ELMO1: variants seen among roughly 807,000 people sequenced by gnomAD.
The protein encoded by ELMO1 is engulfment and cell motility protein 1.
A neutral mutation model predicts 98.9 loss-of-function variants in ELMO1; 26 were observed. The observed-to-expected ratio is 0.26, with a 90% confidence interval of 0.19 to 0.36. The LOEUF (loss-of-function observed/expected upper bound fraction) is 0.36. ELMO1 is among the 10% of genes least tolerant of loss of function. The probability of loss-of-function intolerance (pLI) is 1.00; values close to 1 mark genes in which losing one functional copy is unlikely to be tolerated. For synonymous variants in ELMO1, 346 were observed against 346.0 expected (o/e 1.00, Z 0.00); for missense variants, 627 against 935.2 (o/e 0.67, Z 4.30).
chr7:37,184,674 G>A (rs1791090615), intron 13 of ELMO1, among the ~76,000 whole-genome samples: 1 of 152,156 alleles, frequency 6.6e-6, no homozygotes, highest in Admixed American at 6.5e-5. Flanking sequence ...TTGGAAGGCA[G>A]AGGTGGGCAG....
intron 2 of ELMO1, among the ~76,000 whole-genome samples, chr7:37,337,997 C>T (rs1169361818): frequency 1.3e-5 from 2 of 152,098 alleles, no homozygotes; most frequent in African/African-American, 2.4e-5. Context: ...TTTTCTCCTT[C>T]CTAAACATTG....
At chr7:36,868,540 T>C (rs1207626181) in intron 20 of ELMO1, among the ~76,000 whole-genome samples, 1 of 152,096 alleles carries the variant, frequency 6.6e-6, no homozygotes, top group African/African-American at 2.4e-5. Flanking sequence ...ACAGACGAGG[T>C]TTCACTATGT....
chr7:36,938,098 G>A (rs565117875), intron 16 of ELMO1, among the ~76,000 whole-genome samples: 2 of 152,182 alleles, frequency 1.3e-5, no homozygotes, highest in Non-Finnish European at 2.9e-5. Context: ...TGCTGCCCAG[G>A]CTGACACTCC....
intron 2 of ELMO1, among the ~76,000 whole-genome samples, chr7:37,322,839 G>A (rs937643665): frequency 2.0e-5 from 3 of 151,962 alleles, no homozygotes; most frequent in Non-Finnish European, 4.4e-5. Flanking sequence ...AATTGGTATT[G>A]AGACCAAATT....
intron 16 of ELMO1, among the ~76,000 whole-genome samples, chr7:36,978,908 G>A (rs902342464): frequency 6.6e-6 from 1 of 152,164 alleles, no homozygotes; most frequent in Non-Finnish European, 1.5e-5. Flanking sequence ...AATCCACAGA[G>A]TACATGGGAT....
At chr7:37,112,987 G>A (rs1476079045) in intron 14 of ELMO1, among the ~76,000 whole-genome samples, 1 of 152,182 alleles carries the variant, frequency 6.6e-6, no homozygotes, top group African/African-American at 2.4e-5. Context: ...TATTCAAAAA[G>A]GGAAGACAGC....
At chr7:36,999,894 T>C (rs1201085147) in intron 16 of ELMO1, among the ~76,000 whole-genome samples, 1 of 152,190 alleles carries the variant, frequency 6.6e-6, no homozygotes, top group Non-Finnish European at 1.5e-5. Flanking sequence ...TAAAAGCTTT[T>C]ATAACTTGAA....
At chr7:36,930,807 C>T (rs868004319) in intron 16 of ELMO1, among the ~76,000 whole-genome samples, 13 of 152,122 alleles carry the variant, frequency 8.5e-5, no homozygotes, top group East Asian at 3.8e-4. Flanking sequence ...AGGGCAAAAA[C>T]GGTCAAAGCA....
chr7:37,182,754 C>A (rs748644214), intron 13 of ELMO1, among the ~76,000 whole-genome samples: 1 of 152,014 alleles, frequency 6.6e-6, no homozygotes, highest in African/African-American at 2.4e-5. Flanking sequence ...CCCTTCTTAC[C>A]CCGTGTGAGA....
chr7:36,884,332 C>A (rs1338736425), intron 18 of ELMO1, among the ~76,000 whole-genome samples: 2 of 143,084 alleles, frequency 1.4e-5, no homozygotes, highest in East Asian at 4.1e-4. Flanking sequence ...AAAAAAAAAT[C>A]TATATTCTGA....
chr7:36,866,910 G>C (rs1483486739), intron 20 of ELMO1, among the ~76,000 whole-genome samples: 1 of 152,142 alleles, frequency 6.6e-6, no homozygotes, highest in Non-Finnish European at 1.5e-5. Flanking sequence ...GTGTGGGTTG[G>C]GGGGTTCAGC....
chr7:37,370,461 G>T (rs1239558399), intron 1 of ELMO1, among the ~76,000 whole-genome samples: 2 of 152,046 alleles, frequency 1.3e-5, no homozygotes, highest in Admixed American at 6.5e-5. Context: ...TGTTATAAAG[G>T]TGTGGGCTAT....
In ELMO1 at chr7:37,342,514, G is replaced by C. The variant is rs902993852; in HGVS notation, c.78+99C>G. ...TTGCACAGATTTTTCAACACAGCTA[G>C]AGAGAGAAAGGGAGAAGAGTGAGCT... is the stretch of plus-strand genomic sequence containing the variant. On this transcript the variant is annotated intron_variant, in intron 2 of 21. Transcript: ENST00000310758. The surrounding 1 kb of genome is among the most constrained non-coding windows in gnomAD (Gnocchi z 4.3). The C allele has an allele frequency of 1.6e-6, 2 of 1,223,516 alleles. No homozygotes were observed. The highest frequency in any genetic ancestry group is 2.4e-6 in the Non-Finnish European group (2 of 827,456). 75.8% of individuals were successfully genotyped at this position (1,223,516 alleles called of 1,614,324 possible).
At position 36,855,860 on chromosome 7, in the gene ELMO1, G is replaced by A. The variant is rs1802159999; in HGVS notation, c.1984-109C>T. 7.9e-7 allele frequency: 1 copy of A among 1,260,504 alleles called. No individual in the cohort carries two copies. The highest frequency in any genetic ancestry group is 1.1e-6 in the Non-Finnish European group (1 of 884,578). The allele number at this position is 1,260,504 out of a possible 1,614,324, so 78.1% of individuals were successfully genotyped here. A position where few individuals can be genotyped will look rare whatever the true frequency, so the allele number is the denominator to read the frequency against. On this transcript the variant is annotated intron_variant, in intron 21 of 21. Transcript: ENST00000310758. The surrounding 1 kb of genome is among the most constrained non-coding windows in gnomAD (Gnocchi z 4.2). ...CATCCCTCAGTAGGCTGTGCGCTAA[G>A]GGCTCTGCCTACTTCGTCATTTCAT...
chr7:37,041,811 C>T lies in ELMO1; in HGVS notation c.1301-28376G>A, dbSNP rs934749669. ...GGAACACTGGCTGTGAGCCCTGCGA[C>T]GGCACCCTTTCTCATTCACTGAGTT... On this transcript the variant is annotated intron_variant, in intron 15 of 21. Transcript: ENST00000310758. 4.6e-5 allele frequency among the ~76,000 whole-genome samples: 7 copies of T among 152,220 alleles called. No individual in the cohort carries two copies. The East Asian group carries it at 5.8e-4, about 13-fold the overall frequency.
intron 1 of ELMO1, among the ~76,000 whole-genome samples, chr7:37,422,706 T>A (rs1219863126): frequency 6.6e-6 from 1 of 152,206 alleles, no homozygotes; most frequent in Non-Finnish European, 1.5e-5. Flanking sequence ...TTGTGTAAAC[T>A]CCAAAATGTT....
chr7:37,380,166 C>T (rs1395825743), intron 1 of ELMO1, among the ~76,000 whole-genome samples: 2 of 152,218 alleles, frequency 1.3e-5, no homozygotes, highest in African/African-American at 2.4e-5. Flanking sequence ...AGTCCATGTA[C>T]AGACTTCCTC....
At chr7:37,249,572 C>T (rs1795224878) in intron 6 of ELMO1, among the ~76,000 whole-genome samples, 2 of 152,128 alleles carry the variant, frequency 1.3e-5, no homozygotes, top group South Asian at 4.1e-4. Flanking sequence ...CTGAGGAAAA[C>T]CAGAAAACCA....
chr7:37,201,978 C>T (rs957885243), intron 13 of ELMO1, among the ~76,000 whole-genome samples: 1 of 152,156 alleles, frequency 6.6e-6, no homozygotes, highest in African/African-American at 2.4e-5. Context: ...CTGAACCATC[C>T]CAGGTAATCC....
Sources: gnomAD v4.1 joint callset for allele counts (sites outside exome capture counted in the v4.1 genomes callset) on GRCh38, gnomAD v4.1.1 for gene constraint, Gnocchi (gnomAD v3.1) non-coding constraint, MANE v1.5 for transcripts, NCBI Gene and HGNC (gene_info 2026-07-23, HGNC 2026-07-21) for gene names.